JPH3: variants seen among roughly 807,000 people sequenced by gnomAD.
The protein encoded by JPH3 is junctophilin 3.
JPH3 carries 11 observed loss-of-function variants against 59.6 expected under a neutral mutation model. The observed-to-expected ratio is 0.18, with a 90% CI of 0.12 to 0.31. JPH3 has a LOEUF of 0.31. JPH3 is among the 10% of genes least tolerant of loss of function. The pLI, the probability that JPH3 is intolerant of heterozygous loss-of-function variation, is 1.00. For synonymous variants in JPH3, 673 were observed against 483.6 expected (o/e 1.39, Z -5.14); for missense variants, 1,202 against 1,105.7 (o/e 1.09, Z -1.24).
chr16:87,677,701 AT>A (rs1380883968), intron 2 of JPH3, among the ~76,000 whole-genome samples: 2 of 152,226 alleles, frequency 1.3e-5, no homozygotes, highest in Non-Finnish European at 2.9e-5. Flanking sequence ...ATCCAAAGGA[AT>A]TGGCTGGGCT....
chr16:87,612,710 T>C (rs2030775151), intron 1 of JPH3, among the ~76,000 whole-genome samples: 1 of 152,094 alleles, frequency 6.6e-6, no homozygotes, highest in Non-Finnish European at 1.5e-5. Context: ...ATGAAATTAA[T>C]ATAGTACATT....
intron 2 of JPH3, among the ~76,000 whole-genome samples, chr16:87,677,229 A>C (rs4989519): frequency 0.48 from 59,073 of 123,832 alleles, 14,030 homozygotes; most frequent in Middle Eastern, 0.56. Flanking sequence ...CACACACAAA[A>C]AAAAAAATTA....
chr16:87,614,252 C>T (rs1360361037), intron 1 of JPH3, among the ~76,000 whole-genome samples: 1 of 146,884 alleles, frequency 6.8e-6, no homozygotes, highest in Admixed American at 6.7e-5. Flanking sequence ...GCTACACGTC[C>T]CCTCCCAGGA....
At chr16:87,659,811 CATCT>C (rs1417852871) in intron 2 of JPH3, among the ~76,000 whole-genome samples, 27 of 152,266 alleles carry the variant, frequency 1.8e-4, no homozygotes, top group African/African-American at 6.3e-4. Flanking sequence ...CCATGACCAC[CATCT>C]ATCTCCAGAA....
intron 2 of JPH3, among the ~76,000 whole-genome samples, chr16:87,681,263 C>T (rs527990210): frequency 8.3e-5 from 12 of 145,080 alleles, no homozygotes; most frequent in African/African-American, 3.1e-4. Flanking sequence ...AGGTCACGTG[C>T]GCGCGGTCGT....
At chr16:87,607,189 G>A (rs1343205046) in intron 1 of JPH3, among the ~76,000 whole-genome samples, 1 of 152,196 alleles carries the variant, frequency 6.6e-6, no homozygotes, top group Non-Finnish European at 1.5e-5. Flanking sequence ...CAGGACCCCT[G>A]GCCCCCTGAG....
At chr16:87,654,402 C>T (rs926594988) in intron 2 of JPH3, 6 of 152,244 alleles carry the variant, frequency 3.9e-5, no homozygotes, top group African/African-American at 1.2e-4. Flanking sequence ...AGGTCAGCTT[C>T]CTTCTCAGCA....
chr16:87,688,818 G>A (rs746083203), intron 3 of JPH3, among the ~76,000 whole-genome samples: 17 of 152,204 alleles, frequency 1.1e-4, no homozygotes, highest in Non-Finnish European at 2.2e-4. Flanking sequence ...TCTCCTAATG[G>A]AATAAAGTCG....
chr16:87,657,428 G>T (rs907126730), intron 2 of JPH3, among the ~76,000 whole-genome samples: 2 of 152,192 alleles, frequency 1.3e-5, no homozygotes, highest in Non-Finnish European at 2.9e-5. Flanking sequence ...CTTCATGGGT[G>T]TAGGGTTTCT....
chr16:87,636,830 G>A (rs568693622), intron 1 of JPH3, among the ~76,000 whole-genome samples: 1 of 152,374 alleles, frequency 6.6e-6, no homozygotes, highest in African/African-American at 2.4e-5. Context: ...TAAACCTAGA[G>A]GTGGGTGCGA....
chr16:87,696,348 C>T (rs1455962242), intron 4 of JPH3: 3 of 581,174 alleles, frequency 5.2e-6, no homozygotes, highest in Non-Finnish European at 9.2e-6. Flanking sequence ...AAGGGAATTC[C>T]AGGACCAGCA....
Position 87,603,151 on chromosome 16 carries a change from C to G in JPH3, c.5C>G (p.Ser2Cys). Residue 2 changes from serine (S) to cysteine (C), a missense_variant, in exon 1 of 5, where the codon TCC (serine) becomes TGC (cysteine). Ser to Cys is a moderately radical substitution (Grantham distance 112). Transcript: ENST00000284262. M[S>C]SGGRFNFDDG... ...ATCTGGAACCGAGTTACATGCATGT[C>G]CAGTGGGGGCAGGTTTAATTTTGAC... 1.2e-6 allele frequency: 2 copies of G among 1,613,918 alleles called. No individual in the cohort carries two copies. Among genetic ancestry groups the G allele is most frequent in the Non-Finnish European group, 1.7e-6 (2 of 1,179,884 alleles).
intron 1 of JPH3, among the ~76,000 whole-genome samples, chr16:87,621,900 C>A (rs149722928): frequency 2.6e-5 from 4 of 152,104 alleles, no homozygotes; most frequent in Non-Finnish European, 5.9e-5. Flanking sequence ...CAAAATAATG[C>A]GGAGATGGGT....
chr16:87,648,548 C>G, intron 2 of JPH3, among the ~76,000 whole-genome samples: 1 of 152,254 alleles, frequency 6.6e-6, no homozygotes, highest in South Asian at 2.1e-4. Context: ...GGCCCTTCCC[C>G]GGAGAGCAGC....
At chr16:87,628,122 C>T (rs182297126) in intron 1 of JPH3, among the ~76,000 whole-genome samples, 47 of 152,352 alleles carry the variant, frequency 3.1e-4, no homozygotes, top group African/African-American at 1.1e-3. Flanking sequence ...GGGCAAGGGA[C>T]AGTTCCTGCT....
At chr16:87,656,639 G>A (rs2032511105) in intron 2 of JPH3, among the ~76,000 whole-genome samples, 1 of 152,210 alleles carries the variant, frequency 6.6e-6, no homozygotes. Flanking sequence ...GTTCAAGCCT[G>A]CAGGAAAAAC....
rs1053644850 is a variant in JPH3, at chr16:87,604,561, A to G, written c.382+1033A>G. 3.2e-6 allele frequency: 4 copies of G among 1,246,372 alleles called. No individual in the cohort carries two copies. In the Admixed American group the frequency reaches 1.4e-4, roughly 42 times the overall value. The allele number at this position is 1,246,372 out of a possible 1,614,324, so 77.2% of individuals were successfully genotyped here. On this transcript the variant is annotated intron_variant, in intron 1 of 4. Coordinates refer to ENST00000284262, the MANE Select transcript of JPH3 (RefSeq NM_020655.4). ...GGCGGCTCGCCTGTTTCAGGCATGGATGCCTGGGAAGGGAGTGAGACGCAG... is the reference window on the plus strand; with the variant it reads ...GGCGGCTCGCCTGTTTCAGGCATGGGTGCCTGGGAAGGGAGTGAGACGCAG...
chr16:87,623,097 A>G (rs2031248553), intron 1 of JPH3, among the ~76,000 whole-genome samples: 1 of 152,158 alleles, frequency 6.6e-6, no homozygotes, highest in Admixed American at 6.5e-5. Context: ...TGGGGGCCTC[A>G]ATGGAGGAGT....
intron 1 of JPH3, among the ~76,000 whole-genome samples, chr16:87,631,760 C>G (rs1036080055): frequency 1.3e-5 from 2 of 152,100 alleles, no homozygotes; most frequent in African/African-American, 4.8e-5. Context: ...GCCTACCTAC[C>G]TCTTTTTTTG....
Sources: allele counts gnomAD v4.1 joint callset (sites outside exome capture counted in the v4.1 genomes callset), GRCh38; gene constraint gnomAD v4.1.1; transcripts MANE v1.5; gene names NCBI Gene and HGNC (gene_info 2026-07-23, HGNC 2026-07-21).